The following ATXN2 variants were observed in gnomAD, a reference collection of about 807,000 sequenced individuals.
ATXN2 encodes ataxin 2.
Under a neutral mutation model 138.6 loss-of-function variants are expected in ATXN2, and 37 were observed. That is an observed-to-expected ratio of 0.27 (90% CI 0.21 to 0.35). ATXN2 has a LOEUF of 0.35. Ranked by LOEUF, ATXN2 falls within the 10% of genes least tolerant of loss-of-function variation. The probability of loss-of-function intolerance (pLI) is 1.00; values close to 1 mark genes in which losing one functional copy is unlikely to be tolerated. For synonymous variants in ATXN2, 549 were observed against 543.7 expected (o/e 1.01, Z -0.13); for missense variants, 1,216 against 1,480.3 (o/e 0.82, Z 2.93).
chr12:111,553,355 G>T (rs575199990), intron 3 of ATXN2, among the ~76,000 whole-genome samples: 1 of 151,826 alleles, frequency 6.6e-6, no homozygotes, highest in Non-Finnish European at 1.5e-5. Context: ...TTCAGATACC[G>T]AATTACATAA....
chr12:111,519,446 G>C (rs974689142), intron 8 of ATXN2, among the ~76,000 whole-genome samples: 16 of 152,150 alleles, frequency 1.1e-4, no homozygotes, highest in African/African-American at 3.9e-4. Context: ...TCTTCTCTAA[G>C]TGTCAAAGAC....
chr12:111,555,302 G>A (rs7311293), intron 2 of ATXN2, among the ~76,000 whole-genome samples: 15,324 of 152,146 alleles, frequency 0.1, 2,574 homozygotes, highest in African/African-American at 0.35. Context: ...GTTATTACAC[G>A]TGACAAAAAT....
In ATXN2 at chr12:111,598,872, A is replaced by G; in HGVS notation, c.163T>C (p.Ser55Pro). The change falls in exon 1 of 25, where the codon TCC (serine) becomes CCC (proline). Residue 55 changes from serine (S) to proline (P), a missense_variant. By Grantham distance (74) the Ser-to-Pro change is moderately conservative. This residue lies in a region of ATXN2 where 110 missense variants were observed against 88.7 expected (regional missense o/e 1.24). Coordinates refer to ENST00000673436, the MANE Select transcript of ATXN2 (RefSeq NM_001372574.1). The surrounding 1 kb of genome is among the most constrained non-coding windows in gnomAD (Gnocchi z 4.5). Reference protein sequence around the residue: ...LASPAAAPSPSSSSVSSSSAT... With the variant: ...LASPAAAPSPPSSSVSSSSAT... ...GAGGACGAGGAGACCGAGGACGAGGACGGCGAAGGCGCGGCGGCGGGCGAC... is the reference window on the plus strand; with the variant it reads ...GAGGACGAGGAGACCGAGGACGAGGGCGGCGAAGGCGCGGCGGCGGGCGAC... The G allele has an allele frequency of 6.7e-7, 1 of 1,492,876 alleles. No homozygotes were observed. 92.5% of individuals were successfully genotyped at this position (1,492,876 alleles called of 1,614,324 possible). A position where few individuals can be genotyped will look rare whatever the true frequency, so the allele number is the denominator to read the frequency against.
chr12:111,461,649 A>T (rs1420824395), intron 21 of ATXN2, among the ~76,000 whole-genome samples: 1 of 152,008 alleles, frequency 6.6e-6, no homozygotes, highest in Non-Finnish European at 1.5e-5. Context: ...GGAAAAAAAT[A>T]GCTTGGAAGA....
chr12:111,568,623 G>A (rs1363711555), intron 1 of ATXN2, among the ~76,000 whole-genome samples: 1 of 152,076 alleles, frequency 6.6e-6, no homozygotes, highest in Non-Finnish European at 1.5e-5. Context: ...TATTCACATG[G>A]CTGCCCCTTT....
In ATXN2 at chr12:111,470,226, A is replaced by G. The variant is rs779874085; in HGVS notation, c.2724T>C (p.Tyr908=). ...PHYQSQHPHV[Y]SPVIQGNARM... is the part of the protein sequence containing the mutation. Reference sequence around the variant, plus strand: ...TAGCATTACCCTGTATTACAGGACTATAGACATGAGGATGCTGTGTTCAAA... The same window carrying G: ...TAGCATTACCCTGTATTACAGGACTGTAGACATGAGGATGCTGTGTTCAAA... Residue 908 remains tyrosine, a synonymous_variant, in exon 20 of 25, where the codon TAT becomes TAC. Coordinates refer to ENST00000673436, the MANE Select transcript of ATXN2 (RefSeq NM_001372574.1). 3 of 1,613,962 alleles carry G rather than the reference A, an allele frequency of 1.9e-6. No individual in the cohort carries two copies. The highest frequency in any genetic ancestry group is 2.5e-6 in the Non-Finnish European group (3 of 1,179,916).
intron 5 of ATXN2, among the ~76,000 whole-genome samples, chr12:111,549,593 C>A (rs1882013099): frequency 6.6e-6 from 1 of 151,996 alleles, no homozygotes; most frequent in Non-Finnish European, 1.5e-5. Context: ...ATGGTTTTCT[C>A]CATACTGATA....
chr12:111,477,709 T>C (rs1277206808), intron 18 of ATXN2, among the ~76,000 whole-genome samples: 2 of 152,150 alleles, frequency 1.3e-5, no homozygotes, highest in African/African-American at 4.8e-5. Context: ...TTAAAATAAT[T>C]TACTAAAAGT....
chr12:111,482,391 T>C (rs1262197275), intron 18 of ATXN2, among the ~76,000 whole-genome samples: 1 of 151,792 alleles, frequency 6.6e-6, no homozygotes, highest in African/African-American at 2.4e-5. Flanking sequence ...AGACACGGTT[T>C]CACTGTATTA....
chr12:111,483,957 A>AC, intron 18 of ATXN2, among the ~76,000 whole-genome samples: 1 of 144,614 alleles, frequency 6.9e-6, no homozygotes, highest in African/African-American at 2.5e-5. Context: ...TAAGATTTCT[A>AC]TTTTTTTTTT....
chr12:111,528,460 G>C (rs1256962617), intron 5 of ATXN2, among the ~76,000 whole-genome samples: 1 of 152,090 alleles, frequency 6.6e-6, no homozygotes, highest in East Asian at 1.9e-4. Flanking sequence ...TAGGACCCAG[G>C]CTTTATTCCA....
chr12:111,595,874 C>T (rs907852189), intron 1 of ATXN2, among the ~76,000 whole-genome samples: 11 of 146,666 alleles, frequency 7.5e-5, no homozygotes, highest in African/African-American at 3.0e-4. Flanking sequence ...ACCAGCCTGG[C>T]CAACATGGTG....
At chr12:111,482,451 C>T (rs1310942827) in intron 18 of ATXN2, among the ~76,000 whole-genome samples, 1 of 152,068 alleles carries the variant, frequency 6.6e-6, no homozygotes, top group African/African-American at 2.4e-5. Context: ...ACCTCGGCCT[C>T]CCAAAGTGCT....
chr12:111,583,155 G>C (rs917587089), intron 1 of ATXN2, among the ~76,000 whole-genome samples: 1 of 149,796 alleles, frequency 6.7e-6, no homozygotes, highest in South Asian at 2.1e-4. Flanking sequence ...ACCATGCCCA[G>C]CTAATTTTTT....
intron 6 of ATXN2, among the ~76,000 whole-genome samples, chr12:111,523,298 T>C (rs1310276966): frequency 1.3e-5 from 2 of 152,186 alleles, no homozygotes; most frequent in African/African-American, 2.4e-5. Context: ...TAATAAATCT[T>C]AGATATCTTT....
chr12:111,464,391 T>C (rs979203636), intron 21 of ATXN2, among the ~76,000 whole-genome samples: 11 of 151,620 alleles, frequency 7.3e-5, no homozygotes, highest in African/African-American at 2.7e-4. Context: ...TTAGGAAGTT[T>C]CTCTAACAAG....
At chr12:111,573,868 TTC>T (rs1392980454) in intron 1 of ATXN2, among the ~76,000 whole-genome samples, 3 of 148,968 alleles carry the variant, frequency 2.0e-5, no homozygotes, top group Non-Finnish European at 4.4e-5. Context: ...TGTTTTTTCT[TTC>T]TTTTTTTTTT....
rs1566052938 is a variant in ATXN2, at chr12:111,541,163, A to ATTCTCTC, written c.571+11116_571+11117insGAGAGAA. On this transcript the variant is annotated intron_variant, in intron 5 of 24. Transcript: ENST00000673436. ...TTTGTTTAATCACAGTTTTCTCATT[A>ATTCTCTC]ATCTATTTGGTTTTATTTATCAGTG... 6.3e-4 allele frequency among the ~76,000 whole-genome samples: 94 copies of ATTCTCTC among 149,752 alleles called. 3 individuals are homozygous for ATTCTCTC. Among genetic ancestry groups the ATTCTCTC allele is most frequent in the Middle Eastern group, 3.4e-3 (1 of 294 alleles).
intron 8 of ATXN2, among the ~76,000 whole-genome samples, chr12:111,518,860 A>G (rs758599582): frequency 2.2e-4 from 34 of 152,140 alleles, no homozygotes; most frequent in Non-Finnish European, 4.6e-4. Context: ...CACAGTGTCA[A>G]CATCTATCAG....
Sources: gnomAD v4.1 joint callset for allele counts (sites outside exome capture counted in the v4.1 genomes callset) on GRCh38, gnomAD v4.1.1 for gene constraint, gnomAD v4.1.1 regional missense constraint, Gnocchi (gnomAD v3.1) non-coding constraint, MANE v1.5 for transcripts, NCBI Gene and HGNC (gene_info 2026-07-23, HGNC 2026-07-21) for gene names.